PEX5L: variants seen among roughly 807,000 people sequenced by gnomAD.
The protein encoded by PEX5L is PEX5-related protein.
A neutral mutation model predicts 84.0 loss-of-function variants in PEX5L; 30 were observed. The ratio of observed to expected loss-of-function variants is 0.36; its 90% CI spans 0.27 to 0.48. PEX5L has a LOEUF of 0.48. Among genes scored for constraint, PEX5L ranks in the 20% least tolerant of loss-of-function variants. PEX5L has a pLI of 0.99. For synonymous variants in PEX5L, 270 were observed against 283.1 expected (o/e 0.95, Z 0.46); for missense variants, 533 against 754.6 (o/e 0.71, Z 3.44).
chr3:179,922,473 G>A (rs1333551490), intron 2 of PEX5L, among the ~76,000 whole-genome samples: 1 of 147,220 alleles, frequency 6.8e-6, no homozygotes, highest in African/African-American at 2.5e-5. Flanking sequence ...TTTTTTGAAG[G>A]AGTCTTGCTC....
At chr3:179,938,246 T>C (rs1775136720) in intron 2 of PEX5L, among the ~76,000 whole-genome samples, 1 of 152,352 alleles carries the variant, frequency 6.6e-6, no homozygotes, top group East Asian at 1.9e-4. Flanking sequence ...CTTTCATCTA[T>C]TAAAATGTGG....
rs772777522 is a variant in PEX5L at position 179,875,412 on chromosome 3, G to A, written c.571C>T (p.His191Tyr). 16 of 1,612,554 alleles carry A rather than the reference G, an allele frequency of 9.9e-6. No homozygotes were observed. Among genetic ancestry groups the A allele is most frequent in the Admixed American group, 6.7e-5 (4 of 60,014 alleles). ...GATGATTTTCTCTCTGCCATTGGAT[G>A]TCCCTTGGTATTTCGATCTCCATGA... is the stretch of plus-strand genomic sequence containing the variant. ...KFHGDRNTKG[H>Y]PMAERKSSSS... Residue 191 changes from histidine to tyrosine, a missense_variant, in exon 6 of 15, where the codon CAT becomes TAT. His to Tyr is a moderately conservative substitution (Grantham distance 83). Coordinates refer to ENST00000467460, the MANE Select transcript of PEX5L (RefSeq NM_016559.3).
intron 8 of PEX5L, among the ~76,000 whole-genome samples, chr3:179,851,482 G>A (rs1577600086): frequency 6.6e-6 from 1 of 152,078 alleles, no homozygotes; most frequent in Admixed American, 6.6e-5. Flanking sequence ...AATGCTAAAG[G>A]GGCAAAACAT....
intron 10 of PEX5L, among the ~76,000 whole-genome samples, chr3:179,812,171 G>A (rs1428431509): frequency 1.3e-5 from 2 of 151,932 alleles, no homozygotes; most frequent in African/African-American, 2.4e-5. Context: ...TAAAACCAAA[G>A]GATAAATATA....
At chr3:179,959,520 T>C (rs562059085) in intron 2 of PEX5L, among the ~76,000 whole-genome samples, 14 of 152,342 alleles carry the variant, frequency 9.2e-5, no homozygotes, top group African/African-American at 3.4e-4. Context: ...AATAAGTTTG[T>C]GTAAAATAAG....
chr3:179,919,037 G>A (rs1406171837), intron 2 of PEX5L, among the ~76,000 whole-genome samples: 1 of 152,158 alleles, frequency 6.6e-6, no homozygotes, highest in African/African-American at 2.4e-5. Context: ...TCTAGGGCTT[G>A]GTCAAGTACT....
chr3:179,903,036 T>C (rs1052180996), intron 2 of PEX5L, among the ~76,000 whole-genome samples: 1 of 152,160 alleles, frequency 6.6e-6, no homozygotes, highest in African/African-American at 2.4e-5. Flanking sequence ...TTAACAACTC[T>C]AATATTTTCA....
intron 1 of PEX5L, among the ~76,000 whole-genome samples, chr3:179,978,983 C>G (rs967999688): frequency 6.6e-6 from 1 of 152,132 alleles, no homozygotes; most frequent in East Asian, 1.9e-4. Context: ...CTATGAAAAA[C>G]AGCAAACAAC....
chr3:180,030,129 G>C (rs1439802961), intron 1 of PEX5L, among the ~76,000 whole-genome samples: 1 of 152,182 alleles, frequency 6.6e-6, no homozygotes, highest in Non-Finnish European at 1.5e-5. Context: ...GGAAATGTTG[G>C]ATTTTGCTGG....
At chr3:179,983,147 A>G (rs1786490838) in intron 1 of PEX5L, among the ~76,000 whole-genome samples, 1 of 152,046 alleles carries the variant, frequency 6.6e-6, no homozygotes, top group South Asian at 2.1e-4. Flanking sequence ...ATGCATGCAT[A>G]AATATACATA....
intron 2 of PEX5L, among the ~76,000 whole-genome samples, chr3:179,907,633 A>G (rs1235163295): frequency 6.6e-6 from 1 of 152,148 alleles, no homozygotes; most frequent in African/African-American, 2.4e-5. Context: ...TTTTTTAAAG[A>G]TGAAAAAAAC....
chr3:179,900,537 C>A, intron 2 of PEX5L: 1 of 633,960 alleles, frequency 1.6e-6, no homozygotes. Flanking sequence ...CATGCCATTT[C>A]ACTAAAACAA....
At position 180,029,757 on chromosome 3, in the gene PEX5L, G is replaced by T. The variant is rs144777862; in HGVS notation, c.21+6822C>A. ...ATCACTGGTTCCTTCAAAAAAATCA[G>T]TTCCTGATTCAGTAGGTCTGGAGTT... On this transcript the variant is annotated intron_variant, in intron 1 of 14. Transcript: ENST00000467460. 9.9e-5 allele frequency among the ~76,000 whole-genome samples: 15 copies of T among 152,244 alleles called. 1 individual carries two copies. Among genetic ancestry groups the T allele is most frequent in the African/African-American group, 2.9e-4 (12 of 41,530 alleles).
Position 179,858,615 on chromosome 3 carries a change from G to A in PEX5L, c.822+447C>T, listed in dbSNP as rs944243457. ...AATATTCCAGCCATGCCCTTTTCTC[G>A]CCTACTTAGGAACATATATATCACA... On this transcript the variant is annotated intron_variant, in intron 8 of 14. Coordinates refer to ENST00000467460, the MANE Select transcript of PEX5L (RefSeq NM_016559.3). Among the ~76,000 whole-genome samples, 6 of 152,062 alleles carry A rather than the reference G, an allele frequency of 3.9e-5. No homozygotes were observed. The South Asian group carries it at 6.2e-4, about 16-fold the overall frequency.
intron 2 of PEX5L, among the ~76,000 whole-genome samples, chr3:179,949,197 A>C (rs1211940005): frequency 6.6e-6 from 1 of 152,364 alleles, no homozygotes; most frequent in East Asian, 1.9e-4. Flanking sequence ...GGTAAAGTAC[A>C]GAACTGAAGA....
intron 1 of PEX5L, among the ~76,000 whole-genome samples, chr3:179,980,813 C>A (rs1160684217): frequency 6.6e-6 from 1 of 151,992 alleles, no homozygotes; most frequent in Non-Finnish European, 1.5e-5. Flanking sequence ...AGGCTGAGGT[C>A]AGGAGTTCAA....
At chr3:180,020,964 G>A (rs1002890421) in intron 1 of PEX5L, among the ~76,000 whole-genome samples, 3 of 152,074 alleles carry the variant, frequency 2.0e-5, no homozygotes, top group African/African-American at 7.2e-5. Flanking sequence ...TAGGTACCAG[G>A]GTTGAAAAGA....
intron 1 of PEX5L, among the ~76,000 whole-genome samples, chr3:180,032,624 C>T (rs181353495): frequency 1.1e-4 from 16 of 152,264 alleles, no homozygotes; most frequent in African/African-American, 3.9e-4. Context: ...GAGGCAAAGG[C>T]GCGTGGATCG....
chr3:179,956,725 T>C (rs1380462792), intron 2 of PEX5L, among the ~76,000 whole-genome samples: 3 of 152,146 alleles, frequency 2.0e-5, no homozygotes, highest in Non-Finnish European at 2.9e-5. Context: ...AACTGCCACA[T>C]AGAATATAGT....
Sources: gnomAD v4.1 joint callset for allele counts (sites outside exome capture counted in the v4.1 genomes callset) on GRCh38, gnomAD v4.1.1 for gene constraint, MANE v1.5 for transcripts, NCBI Gene and HGNC (gene_info 2026-07-23, HGNC 2026-07-21) for gene names.